Variants in MYO7B observed in about 807,000 individuals in gnomAD.
The protein encoded by MYO7B is myosin VIIB, also known as unconventional myosin-VIIb.
MYO7B carries 212 observed loss-of-function variants against 259.7 expected under a neutral mutation model. The ratio of observed to expected loss-of-function variants is 0.82; its 90% CI spans 0.73 to 0.91. MYO7B has a LOEUF of 0.91. MYO7B is among the 40% of genes least tolerant of loss of function. The probability of loss-of-function intolerance (pLI) is 0.00; values close to 1 mark genes in which losing one functional copy is unlikely to be tolerated. For missense variants in MYO7B, 2,732 were observed against 2,813.5 expected, an observed-to-expected ratio of 0.97 and a Z score of 0.66; for synonymous variants, 1,197 against 1,166.4, an observed-to-expected ratio of 1.03 and a Z score of -0.54.
In MYO7B at chr2:127,624,327, G is replaced by A; in HGVS notation, c.4047+7G>A. 2 of 1,563,418 alleles carry A rather than the reference G, an allele frequency of 1.3e-6. No homozygotes were observed. The highest frequency in any genetic ancestry group is 8.7e-7 in the Non-Finnish European group (1 of 1,154,324). ...CGAGTACAGCTTCGAGAAGGTGAGGGGCCTGAGAGCCAGGTCCACCCTAGG... is the reference window on the plus strand; with the variant it reads ...CGAGTACAGCTTCGAGAAGGTGAGGAGCCTGAGAGCCAGGTCCACCCTAGG... On this transcript the variant is annotated splice_region_variant and intron_variant, in intron 30 of 47. Transcript: ENST00000409816.
At chr2:127,549,166 TTCTTTCTTTCTTTCTTTCTC>T (rs1424040177) in intron 1 of MYO7B, among the ~76,000 whole-genome samples, 2 of 6,714 alleles carry the variant, frequency 3.0e-4, no homozygotes, top group African/African-American at 6.2e-4. Flanking sequence ...CTTCCTTCCT[TTCTTTCTTTCTTTCTTTCTC>T]TCTTTCTTTC....
intron 5 of MYO7B, among the ~76,000 whole-genome samples, chr2:127,567,679 A>C (rs1340683442): frequency 6.6e-6 from 1 of 152,146 alleles, no homozygotes; most frequent in South Asian, 2.1e-4. Context: ...TCATTCATTC[A>C]TTCATTCATT....
chr2:127,538,950 G>C (rs1450413694), intron 1 of MYO7B, among the ~76,000 whole-genome samples: 1 of 152,156 alleles, frequency 6.6e-6, no homozygotes, highest in Non-Finnish European at 1.5e-5. Context: ...TCTATCAAAT[G>C]GAGTAGCATC....
chr2:127,637,197 C>A, intron 47 of MYO7B, 119 bp from the exon 48 acceptor site: 1 of 923,306 alleles, frequency 1.1e-6, no homozygotes. Flanking sequence ...AGGAGCCCGC[C>A]TTCCCTTTCT....
chr2:127,587,494 C>G (rs1679348015), intron 14 of MYO7B, among the ~76,000 whole-genome samples: 1 of 151,984 alleles, frequency 6.6e-6, no homozygotes, highest in South Asian at 2.1e-4. Context: ...TGGCCGTCTT[C>G]TCTCTGTGTC....
chr2:127,573,260 C>T (rs187049409), intron 6 of MYO7B, among the ~76,000 whole-genome samples: 5 of 152,344 alleles, frequency 3.3e-5, no homozygotes, highest in South Asian at 2.1e-4. Context: ...CACCCCAGCA[C>T]GTCACTCTTC....
intron 19 of MYO7B, 41 bp from the exon 20 acceptor site, chr2:127,605,803 C>T (rs1680138392): frequency 6.3e-7 from 1 of 1,584,452 alleles, no homozygotes; most frequent in Non-Finnish European, 8.6e-7. Flanking sequence ...TTTAAACCAT[C>T]TGGGATTGTT....
At chr2:127,602,982 A>G (rs1680022888) in intron 19 of MYO7B, among the ~76,000 whole-genome samples, 1 of 151,988 alleles carries the variant, frequency 6.6e-6, no homozygotes, top group Admixed American at 6.5e-5. Context: ...CCTAGGCGAC[A>G]GAGTGAGACC....
At chr2:127,542,971 C>T (rs1332910592) in intron 1 of MYO7B, among the ~76,000 whole-genome samples, 2 of 152,226 alleles carry the variant, frequency 1.3e-5, no homozygotes, top group African/African-American at 4.8e-5. Flanking sequence ...AGCCCTAAGG[C>T]GGTTTTCTCC....
chr2:127,602,948 C>T (rs1573678382), intron 19 of MYO7B, among the ~76,000 whole-genome samples: 2 of 150,944 alleles, frequency 1.3e-5, no homozygotes, highest in South Asian at 2.1e-4. Flanking sequence ...TACAGTAAGC[C>T]GAGATTGCAC....
chr2:127,562,591 A>G (rs1678150844), intron 2 of MYO7B, among the ~76,000 whole-genome samples: 1 of 149,858 alleles, frequency 6.7e-6, no homozygotes, highest in South Asian at 2.1e-4. Context: ...GGGTTCAAGC[A>G]ATTCTCCTGC....
chr2:127,596,395 C>T (rs549578846), intron 18 of MYO7B, 67 bp from the exon 19 acceptor site: 1 of 1,304,022 alleles, frequency 7.7e-7, no homozygotes, highest in African/African-American at 1.5e-5. Context: ...GAGACAGAGC[C>T]CTGGCCCCAG....
At chr2:127,619,441 G>A (rs1680739786) in intron 26 of MYO7B, among the ~76,000 whole-genome samples, 1 of 151,962 alleles carries the variant, frequency 6.6e-6, no homozygotes, top group Non-Finnish European at 1.5e-5. Context: ...GGAATGAAGG[G>A]ATGGGAGGGC....
Position 127,565,371 on chromosome 2 carries a change from C to G in MYO7B, c.271C>G (p.Gln91Glu). The change falls in exon 4 of 48, where the codon CAG becomes GAG. Residue 91 changes from glutamine to glutamate, a missense_variant. Transcript: ENST00000409816. ...MVHNLLIRYQ[Q>E]HKIYTYTGSI... The stretch of plus-strand genomic sequence containing the variant: ...GCACAACCTCCTGATCCGCTACCAG[C>G]AGCACAAGATCTATGTGAGTCTCCC... The G allele has an allele frequency of 6.2e-7, 1 of 1,614,036 alleles. No individual in the cohort carries two copies. The highest frequency in any genetic ancestry group is 1.7e-5 in the Admixed American group (1 of 60,030).
intron 18 of MYO7B, among the ~76,000 whole-genome samples, chr2:127,595,915 G>C (rs1030263514): frequency 2.6e-5 from 4 of 152,170 alleles, no homozygotes; most frequent in African/African-American, 9.7e-5. Flanking sequence ...AAGTGCATGT[G>C]GTGCCGAGAA....
At chr2:127,542,933 A>G (rs1693062646) in intron 1 of MYO7B, among the ~76,000 whole-genome samples, 1 of 152,252 alleles carries the variant, frequency 6.6e-6, no homozygotes, top group Non-Finnish European at 1.5e-5. Flanking sequence ...GTTAAAGTGC[A>G]GTATTGCTGC....
At position 127,627,944 on chromosome 2, in the gene MYO7B, T is replaced by C; in HGVS notation, c.4461-428T>C. ...CACCTCTCACTGAGGCTGACCATGC[T>C]GGGCACTTTCCTGTATGCCACGAAG... is the stretch of plus-strand genomic sequence containing the variant. On this transcript the variant is annotated intron_variant, in intron 33 of 47. Coordinates refer to ENST00000409816, the MANE Select transcript of MYO7B (RefSeq NM_001393586.1). The surrounding 1 kb of genome is among the most constrained non-coding windows in gnomAD (Gnocchi z 5.6). 2.2e-6 allele frequency: 1 copy of C among 461,544 alleles called. No homozygotes were observed. The highest frequency in any genetic ancestry group is 4.3e-6 in the Non-Finnish European group (1 of 230,608). The allele number at this position is 461,544 out of a possible 1,614,324, so 28.6% of individuals were successfully genotyped here. A position where few individuals can be genotyped will look rare whatever the true frequency, so the allele number is the denominator to read the frequency against.
intron 9 of MYO7B, among the ~76,000 whole-genome samples, chr2:127,578,818 T>C (rs191848553): frequency 6.6e-6 from 1 of 152,136 alleles, no homozygotes; most frequent in Admixed American, 6.5e-5. Flanking sequence ...CCGGCAGAAA[T>C]AATAAACAGT....
intron 9 of MYO7B, among the ~76,000 whole-genome samples, chr2:127,579,544 A>C (rs1178529068): frequency 6.6e-6 from 1 of 151,850 alleles, no homozygotes; most frequent in African/African-American, 2.4e-5. Context: ...AGCAGGCACA[A>C]GAGAATGCAG....
Sources: gnomAD v4.1 joint callset for allele counts (sites outside exome capture counted in the v4.1 genomes callset) on GRCh38, gnomAD v4.1.1 for gene constraint, Gnocchi (gnomAD v3.1) non-coding constraint, MANE v1.5 for transcripts, NCBI Gene and HGNC (gene_info 2026-07-23, HGNC 2026-07-21) for gene names.